The following KCNH8 variants were observed in gnomAD, a reference collection of about 807,000 sequenced individuals.
The protein encoded by KCNH8 is voltage-gated delayed rectifier potassium channel KCNH8.
A neutral mutation model predicts 103.6 loss-of-function variants in KCNH8; 70 were observed. That is an observed-to-expected ratio of 0.68 (90% CI 0.56 to 0.82). The LOEUF is 0.82. KCNH8 is among the 40% of genes least tolerant of loss of function. The pLI is 0.00. For synonymous variants in KCNH8, 498 were observed against 489.4 expected, an observed-to-expected ratio of 1.02 and a Z score of -0.23; for missense variants, 1,217 against 1,329.9, an observed-to-expected ratio of 0.92 and a Z score of 1.32.
intron 1 of KCNH8, among the ~76,000 whole-genome samples, chr3:19,233,976 A>C (rs1294816209): frequency 6.6e-6 from 1 of 152,178 alleles, no homozygotes; most frequent in Non-Finnish European, 1.5e-5. Flanking sequence ...AGTGAGCAGC[A>C]GCAAGATTTA....
intron 7 of KCNH8, among the ~76,000 whole-genome samples, chr3:19,429,787 T>A (rs550423361): frequency 2.6e-4 from 39 of 151,780 alleles, no homozygotes; most frequent in African/African-American, 9.2e-4. Flanking sequence ...TGTGTTCTCA[T>A]CATTTAGCTC....
chr3:19,276,423 T>G (rs1056890415), intron 2 of KCNH8, among the ~76,000 whole-genome samples: 11 of 152,096 alleles, frequency 7.2e-5, no homozygotes, highest in Admixed American at 6.6e-4. Context: ...TTTCAAAAAG[T>G]AAAGATGTTA....
chr3:19,408,340 A>G (rs1386192272), intron 7 of KCNH8, among the ~76,000 whole-genome samples: 1 of 152,124 alleles, frequency 6.6e-6, no homozygotes, highest in Non-Finnish European at 1.5e-5. Context: ...ATAACATTAT[A>G]GGGAAAGAAA....
chr3:19,449,135 C>A, intron 8 of KCNH8: 1 of 301,194 alleles, frequency 3.3e-6, no homozygotes, highest in South Asian at 2.9e-5. Context: ...GAAATACCCA[C>A]CCTAAATCTC....
In KCNH8 at chr3:19,513,110, G is replaced by A; in HGVS notation, c.2220G>A (p.Lys740=). The change falls in exon 13 of 16, where the codon AAG becomes AAA. Residue 740 remains lysine (K), a synonymous_variant. Coordinates refer to ENST00000328405, the MANE Select transcript of KCNH8 (RefSeq NM_144633.3). The part of the protein sequence containing the change: ...ICTRGSSSRN[K]KVGSNKAYLG... ...CAAGGGGATCTTCTTCGCGCAACAA[G>A]AAGGTTGGAAGCAATAAAGCCTACC... 1.9e-6 allele frequency: 3 copies of A among 1,613,870 alleles called. No individual in the cohort carries two copies. The highest frequency in any genetic ancestry group is 2.5e-6 in the Non-Finnish European group (3 of 1,179,918).
chr3:19,419,194 G>GTTTTTTTTTTTTTTT lies in KCNH8; in HGVS notation c.1178-18970_1178-18969insTTTTTTTTTTTTTTT, dbSNP rs1491504046. On this transcript the variant is annotated intron_variant, in intron 7 of 15. Coordinates refer to ENST00000328405, the MANE Select transcript of KCNH8 (RefSeq NM_144633.3). ...AAAAAGAAGTAATTAAAATGGTTTT[G>GTTTTTTTTTTTTTTT]GTTTTTTTTTTTTTTTTTTTTTTGA... 9.4e-5 allele frequency among the ~76,000 whole-genome samples: 6 copies of GTTTTTTTTTTTTTTT among 64,118 alleles called. 2 individuals carry two copies. The highest frequency in any genetic ancestry group is 2.8e-4 in the African/African-American group (4 of 14,056). The allele number at this position is 64,118 out of a possible 152,430, so 42.1% of individuals were successfully genotyped here. A position where few individuals can be genotyped will look rare whatever the true frequency, so the allele number is the denominator to read the frequency against.
chr3:19,312,021 CTCTT>C (rs1052990906), intron 3 of KCNH8, among the ~76,000 whole-genome samples: 40 of 151,990 alleles, frequency 2.6e-4, no homozygotes, highest in African/African-American at 9.4e-4. Context: ...CTTTCTCAAA[CTCTT>C]TCTTCCGCAG....
At chr3:19,393,559 C>A (rs879515990) in intron 6 of KCNH8, among the ~76,000 whole-genome samples, 9 of 152,014 alleles carry the variant, frequency 5.9e-5, no homozygotes, top group Non-Finnish European at 1.2e-4. Flanking sequence ...ATTTCACTTA[C>A]AAAATTGTCA....
At chr3:19,354,710 C>T (rs368134921) in intron 5 of KCNH8, among the ~76,000 whole-genome samples, 2 of 152,154 alleles carry the variant, frequency 1.3e-5, no homozygotes, top group East Asian at 3.8e-4. Flanking sequence ...CCCTTCCTTA[C>T]ACCTTATACA....
intron 3 of KCNH8, among the ~76,000 whole-genome samples, chr3:19,311,106 C>A (rs1166797896): frequency 6.6e-6 from 1 of 151,686 alleles, no homozygotes; most frequent in Admixed American, 6.6e-5. Context: ...ACAGATTGCC[C>A]TACCCAAACT....
chr3:19,307,360 A>G (rs2065144029), intron 3 of KCNH8, among the ~76,000 whole-genome samples: 1 of 152,066 alleles, frequency 6.6e-6, no homozygotes, highest in Non-Finnish European at 1.5e-5. Flanking sequence ...ACAATGAGAT[A>G]TCATTTTACC....
intron 13 of KCNH8, among the ~76,000 whole-genome samples, chr3:19,514,819 G>T (rs1010324008): frequency 6.6e-6 from 1 of 151,718 alleles, no homozygotes; most frequent in East Asian, 1.9e-4. Flanking sequence ...TAGGTCAGAG[G>T]ACTTTTGTAC....
At chr3:19,445,217 GA>G (rs1378122936) in intron 8 of KCNH8, among the ~76,000 whole-genome samples, 5 of 151,668 alleles carry the variant, frequency 3.3e-5, no homozygotes, top group African/African-American at 1.2e-4. Context: ...GAAGCCAGAC[GA>G]AAAAAAGTAC....
intron 7 of KCNH8, among the ~76,000 whole-genome samples, chr3:19,422,889 T>C (rs757360683): frequency 9.2e-5 from 14 of 152,006 alleles, no homozygotes; most frequent in Admixed American, 5.9e-4. Flanking sequence ...TCAGTTTAAG[T>C]AATTGAAATG....
At chr3:19,497,218 G>T (rs1179510612) in intron 11 of KCNH8, among the ~76,000 whole-genome samples, 1 of 151,888 alleles carries the variant, frequency 6.6e-6, no homozygotes, top group South Asian at 2.1e-4. Context: ...TTGATCTTTT[G>T]TATGATTTTT....
chr3:19,294,330 A>G (rs533545633), intron 3 of KCNH8, among the ~76,000 whole-genome samples: 1 of 152,320 alleles, frequency 6.6e-6, no homozygotes, highest in East Asian at 1.9e-4. Flanking sequence ...CGAATATTTT[A>G]ATTTTCAACG....
intron 11 of KCNH8, among the ~76,000 whole-genome samples, chr3:19,508,513 A>C (rs912202426): frequency 6.6e-6 from 1 of 152,142 alleles, no homozygotes; most frequent in African/African-American, 2.4e-5. Context: ...AAAAATACCT[A>C]TATTATAGGA....
chr3:19,501,314 C>T (rs916359110), intron 11 of KCNH8, among the ~76,000 whole-genome samples: 13 of 152,100 alleles, frequency 8.5e-5, no homozygotes, highest in African/African-American at 3.1e-4. Context: ...GAGTCCAGAC[C>T]AGATGGATTC....
chr3:19,382,305 C>T (rs2066298598), intron 5 of KCNH8, among the ~76,000 whole-genome samples: 1 of 152,116 alleles, frequency 6.6e-6, no homozygotes, highest in South Asian at 2.1e-4. Context: ...TACAGACAGA[C>T]TCTTAAAGTG....
Sources: gnomAD v4.1 joint callset for allele counts (sites outside exome capture counted in the v4.1 genomes callset) on GRCh38, gnomAD v4.1.1 for gene constraint, MANE v1.5 for transcripts, NCBI Gene and HGNC (gene_info 2026-07-23, HGNC 2026-07-21) for gene names.